ZNF519: variants seen among roughly 807,000 people sequenced by gnomAD.
The protein encoded by ZNF519 is similar to Zinc finger protein 85 (Zinc finger protein HPF4) (HTF1).
A neutral mutation model predicts 7.4 loss-of-function variants in ZNF519; 7 were observed. The observed-to-expected ratio is 0.94, with a 90% CI of 0.54 to 1.77. ZNF519 has a LOEUF of 1.77. Among genes scored for constraint, ZNF519 ranks in the 40% most tolerant of loss-of-function variants. The pLI, the probability that ZNF519 is intolerant of heterozygous loss-of-function variation, is 0.00. For missense variants in ZNF519, 586 were observed against 623.1 expected (o/e 0.94, Z 0.63); for synonymous variants, 179 against 203.3 (o/e 0.88, Z 1.02).
At chr18:14,081,941 A>G (rs1246379344) in intron 3 of ZNF519, among the ~76,000 whole-genome samples, 1 of 152,086 alleles carries the variant, frequency 6.6e-6, no homozygotes, top group Non-Finnish European at 1.5e-5. Context: ...CTTGCAAGAA[A>G]TAACAAGACT....
At position 14,105,947 on chromosome 18, in the gene ZNF519, A is replaced by T; in HGVS notation, c.593T>A (p.Phe198Tyr). ...KVFYQSSKLI[F>Y]PENIHIQKKP... ...TTTTTGAATATGGATATTTTCAGGG[A>T]AAATAAGCTTTGAGGATTGGTAAAA... The change falls in exon 3 of 3, where the codon TTC (phenylalanine) becomes TAC (tyrosine). Residue 198 changes from phenylalanine (F) to tyrosine (Y), a missense_variant. Physicochemically the swap from Phe to Tyr is conservative, Grantham distance 22. Transcript: ENST00000590202. 1 of 1,607,488 alleles carries T rather than the reference A, an allele frequency of 6.2e-7. No individual in the cohort carries two copies. Among genetic ancestry groups the T allele is most frequent in the Non-Finnish European group, 8.5e-7 (1 of 1,176,716 alleles).
downstream of ZNF519, among the ~76,000 whole-genome samples, chr18:14,097,108 G>A (rs2046139937): frequency 6.6e-6 from 1 of 152,138 alleles, no homozygotes; most frequent in African/African-American, 2.4e-5. Context: ...TGCTCCTGGA[G>A]TCTCCAAATC....
chr18:14,110,747 A>C (rs1472996602), intron 2 of ZNF519, among the ~76,000 whole-genome samples: 1 of 152,210 alleles, frequency 6.6e-6, no homozygotes, highest in Non-Finnish European at 1.5e-5. Flanking sequence ...CATTTGCAGC[A>C]ACTTGGATGG....
At chr18:14,108,390 A>C (rs1482381987) in intron 2 of ZNF519, among the ~76,000 whole-genome samples, 1 of 152,134 alleles carries the variant, frequency 6.6e-6, no homozygotes, top group Admixed American at 6.5e-5. Context: ...GCCTTTTCCA[A>C]GTCCACCCAT....
At chr18:14,130,847 G>A (rs1246991397) in intron 1 of ZNF519, among the ~76,000 whole-genome samples, 6 of 145,526 alleles carry the variant, frequency 4.1e-5, no homozygotes, top group East Asian at 2.0e-4. Context: ...GGGGTTGGGG[G>A]AAAAAAAAAA....
At chr18:14,093,047 T>G (rs749364531) in intron 2 of ZNF519, among the ~76,000 whole-genome samples, 5 of 152,180 alleles carry the variant, frequency 3.3e-5, no homozygotes, top group Non-Finnish European at 7.3e-5. Flanking sequence ...GGTGAATCCT[T>G]CCTCTATCAC....
chr18:14,127,292 T>C (rs1415449230), intron 1 of ZNF519, among the ~76,000 whole-genome samples: 1 of 152,236 alleles, frequency 6.6e-6, no homozygotes, highest in Admixed American at 6.5e-5. Flanking sequence ...GATGTCTATG[T>C]TGACCTCTCA....
intron 2 of ZNF519, among the ~76,000 whole-genome samples, chr18:14,089,750 T>C (rs59105121): frequency 0.014 from 2,183 of 152,310 alleles, 50 homozygotes; most frequent in African/African-American, 0.048. Context: ...TTTAATTTTA[T>C]ATTTATACAA....
intron 2 of ZNF519, among the ~76,000 whole-genome samples, chr18:14,086,013 C>T (rs144347169): frequency 7.4e-4 from 113 of 152,302 alleles, no homozygotes; most frequent in African/African-American, 2.6e-3. Flanking sequence ...GGCTTTGGCC[C>T]GATCCAGCTA....
chr18:14,107,910 T>C (rs2046201924), intron 2 of ZNF519, among the ~76,000 whole-genome samples: 1 of 152,008 alleles, frequency 6.6e-6, no homozygotes, highest in African/African-American at 2.4e-5. Flanking sequence ...TCTACCACAG[T>C]ACAACAGAAA....
downstream of ZNF519, among the ~76,000 whole-genome samples, chr18:14,095,032 G>A (rs2046130079): frequency 6.6e-6 from 1 of 152,130 alleles, no homozygotes; most frequent in Admixed American, 6.5e-5. Flanking sequence ...TCACTTTAGG[G>A]TCAGTCCCTG....
At chr18:14,113,937 CTT>C (rs2046234400) in intron 2 of ZNF519, among the ~76,000 whole-genome samples, 1 of 152,128 alleles carries the variant, frequency 6.6e-6, no homozygotes, top group Non-Finnish European at 1.5e-5. Flanking sequence ...CGTATGCCCT[CTT>C]TAGAGAAATG....
At chr18:14,071,867 G>GA (rs776964981), downstream of ZNF519, 2 of 152,152 alleles carry the variant, frequency 1.3e-5, no homozygotes, top group Non-Finnish European at 2.9e-5. Flanking sequence ...TTTCAAAAGA[G>GA]AAAGATGTTA....
At chr18:14,128,690 A>AACAC (rs71366097) in intron 1 of ZNF519, among the ~76,000 whole-genome samples, 48,908 of 130,408 alleles carry the variant, frequency 0.38, 10,407 homozygotes, top group Non-Finnish European at 0.42. Flanking sequence ...TTCTGAGTCA[A>AACAC]ACACACACAC....
At chr18:14,080,781 A>G (rs1425076621) in intron 3 of ZNF519, among the ~76,000 whole-genome samples, 1 of 152,210 alleles carries the variant, frequency 6.6e-6, no homozygotes, top group Non-Finnish European at 1.5e-5. Flanking sequence ...AGCAGTCAAG[A>G]TGCTGTTCAG....
intron 2 of ZNF519, among the ~76,000 whole-genome samples, chr18:14,112,149 T>A (rs535664157): frequency 6.6e-6 from 1 of 152,316 alleles, no homozygotes. Context: ...GTAGGATTTA[T>A]CTCAGGGATG....
rs978158356 is a variant in ZNF519, at chr18:14,103,990, C to A, written c.*927G>T. The A allele has an allele frequency of 6.6e-6, 1 of 152,152 alleles. No homozygotes were observed. Among genetic ancestry groups the A allele is most frequent in the Non-Finnish European group, 1.5e-5 (1 of 67,998 alleles). 9.4% of individuals were successfully genotyped at this position (152,152 alleles called of 1,614,324 possible). A position where few individuals can be genotyped will look rare whatever the true frequency, so the allele number is the denominator to read the frequency against. ...AGACTGCAAACATTCAAAAAGCATT[C>A]TTATTCTGATACCATGACCTATGTT... is the stretch of plus-strand genomic sequence containing the variant. On this transcript the variant is annotated 3_prime_UTR_variant, in exon 3 of 3. Transcript: ENST00000590202.
At chr18:14,086,467 C>T (rs1164300111) in intron 2 of ZNF519, among the ~76,000 whole-genome samples, 1 of 152,208 alleles carries the variant, frequency 6.6e-6, no homozygotes, top group African/African-American at 2.4e-5. Context: ...CCACAGGACT[C>T]CCTGTCTCAT....
chr18:14,106,528 C>T lies in ZNF519; in HGVS notation c.131-119G>A, dbSNP rs1166568074. On this transcript the variant is annotated intron_variant, in intron 2 of 2. Transcript: ENST00000590202. Reference sequence around the variant, plus strand: ...ATCAGCACAATGCCATAGTAGAAAACCAAGAAAGGACAGAGCAAGATGGCT... The same window carrying T: ...ATCAGCACAATGCCATAGTAGAAAATCAAGAAAGGACAGAGCAAGATGGCT... 29 of 817,196 alleles carry T rather than the reference C, an allele frequency of 3.5e-5. No individual in the cohort carries two copies. The East Asian group carries it at 7.5e-4, about 21-fold the overall frequency. The allele number at this position is 817,196 out of a possible 1,614,324, so 50.6% of individuals were successfully genotyped here. A position where few individuals can be genotyped will look rare whatever the true frequency, so the allele number is the denominator to read the frequency against.
Sources: gnomAD v4.1 joint callset for allele counts (sites outside exome capture counted in the v4.1 genomes callset) on GRCh38, gnomAD v4.1.1 for gene constraint, MANE v1.5 for transcripts, NCBI Gene and HGNC (gene_info 2026-07-23, HGNC 2026-07-21) for gene names.